TPD52L1: variants seen among roughly 807,000 people sequenced by gnomAD.
TPD52L1 encodes TPD52 like 1, also known as tumor protein D53.
A neutral mutation model predicts 28.7 loss-of-function variants in TPD52L1; 18 were observed. The ratio of observed to expected loss-of-function variants is 0.63; its 90% CI spans 0.43 to 0.93. The LOEUF (loss-of-function observed/expected upper bound fraction) is 0.93. Ranked by LOEUF, TPD52L1 falls within the 40% of genes least tolerant of loss-of-function variation. The pLI is 0.00. For synonymous variants in TPD52L1, 75 were observed against 88.8 expected (o/e 0.84, Z 0.88); for missense variants, 203 against 254.8 (o/e 0.80, Z 1.39).
intron 1 of TPD52L1, among the ~76,000 whole-genome samples, chr6:125,196,595 G>T (rs1337958043): frequency 6.6e-6 from 1 of 152,180 alleles, no homozygotes; most frequent in Admixed American, 6.5e-5. Flanking sequence ...TTAATAACTT[G>T]CAAAGAAATG....
chr6:125,248,260 T>C (rs1359126202), intron 3 of TPD52L1, 22 bp from the exon 4 acceptor site: 2 of 1,587,212 alleles, frequency 1.3e-6, no homozygotes, highest in Admixed American at 1.7e-5. Flanking sequence ...ATAAAAACCA[T>C]GTTGTTCTGT....
At chr6:125,168,457 C>A (rs1791056439) in intron 1 of TPD52L1, among the ~76,000 whole-genome samples, 1 of 152,102 alleles carries the variant, frequency 6.6e-6, no homozygotes, top group Non-Finnish European at 1.5e-5. Flanking sequence ...TTCTCAGTCC[C>A]CTCTCCTCTC....
chr6:125,249,447 G>A (rs1418362690), intron 4 of TPD52L1, among the ~76,000 whole-genome samples: 3 of 151,852 alleles, frequency 2.0e-5, no homozygotes, highest in African/African-American at 7.2e-5. Flanking sequence ...GGGAGACTGA[G>A]GCAGGTGGAT....
intron 1 of TPD52L1, among the ~76,000 whole-genome samples, chr6:125,185,341 C>T (rs1004525325): frequency 2.0e-5 from 3 of 152,144 alleles, no homozygotes; most frequent in African/African-American, 4.8e-5. Context: ...TGTCCTTTCT[C>T]TAGCTTTCTA....
At chr6:125,218,642 A>G (rs765385898) in intron 1 of TPD52L1, among the ~76,000 whole-genome samples, 4 of 152,222 alleles carry the variant, frequency 2.6e-5, no homozygotes, top group Admixed American at 6.5e-5. Flanking sequence ...TGTCTTAAGA[A>G]GTCCCTTCCT....
chr6:125,164,345 C>T (rs1025122278), intron 1 of TPD52L1, among the ~76,000 whole-genome samples: 1 of 152,124 alleles, frequency 6.6e-6, no homozygotes, highest in Non-Finnish European at 1.5e-5. Flanking sequence ...GCTCATTTAT[C>T]AACAGCTTGC....
chr6:125,154,292 T>C, intron 1 of TPD52L1: 1 of 1,170,048 alleles, frequency 8.5e-7, no homozygotes, highest in Non-Finnish European at 1.1e-6. Flanking sequence ...AAGGACCTGT[T>C]GTGCCGGGTC....
intron 1 of TPD52L1, among the ~76,000 whole-genome samples, chr6:125,174,431 T>C (rs1004179779): frequency 6.6e-6 from 1 of 152,048 alleles, no homozygotes; most frequent in East Asian, 1.9e-4. Flanking sequence ...GAAAGATGAG[T>C]AGGTTGAAGA....
chr6:125,237,370 C>T (rs1184793755), intron 3 of TPD52L1, among the ~76,000 whole-genome samples: 1 of 152,044 alleles, frequency 6.6e-6, no homozygotes, highest in Non-Finnish European at 1.5e-5. Flanking sequence ...GTAGTGGAAG[C>T]AGTGAGAAAG....
chr6:125,246,246 G>C (rs1461471939), intron 3 of TPD52L1, among the ~76,000 whole-genome samples: 1 of 152,168 alleles, frequency 6.6e-6, no homozygotes, highest in African/African-American at 2.4e-5. Flanking sequence ...TTCAGAGGCA[G>C]GTGGTTCAGA....
At chr6:125,195,135 T>C (rs1250248820) in intron 1 of TPD52L1, among the ~76,000 whole-genome samples, 1 of 152,156 alleles carries the variant, frequency 6.6e-6, no homozygotes, top group Non-Finnish European at 1.5e-5. Flanking sequence ...TTACAGAGGG[T>C]ATAGTGGTTA....
intron 2 of TPD52L1, among the ~76,000 whole-genome samples, chr6:125,228,886 CTTT>C (rs148763392): frequency 9.7e-4 from 144 of 148,874 alleles, no homozygotes; most frequent in Non-Finnish European, 1.6e-3. Context: ...TACAATCTCA[CTTT>C]TTTTTTTAAC....
chr6:125,263,007 G>A lies in TPD52L1; in HGVS notation c.*45G>A, dbSNP rs773508230. 2.0e-5 allele frequency: 31 copies of A among 1,574,322 alleles called. No homozygotes were observed. The highest frequency in any genetic ancestry group is 3.7e-5 in the Admixed American group (2 of 53,476). On this transcript the variant is annotated 3_prime_UTR_variant, in exon 7 of 7. Coordinates refer to ENST00000534000, the MANE Select transcript of TPD52L1 (RefSeq NM_003287.4). ...GCATCCAGAAACCGGCCACTACCCA[G>A]CCCATCTCTGCCTGTGCTTATCCAG...
At chr6:125,220,591 CA>C (rs1276625083) in intron 2 of TPD52L1, among the ~76,000 whole-genome samples, 2 of 152,156 alleles carry the variant, frequency 1.3e-5, no homozygotes, top group African/African-American at 2.4e-5. Context: ...CTTAGCTCAA[CA>C]ATTACTTTGA....
intron 1 of TPD52L1, among the ~76,000 whole-genome samples, chr6:125,167,261 A>G (rs1019425141): frequency 3.3e-5 from 5 of 152,068 alleles, no homozygotes; most frequent in African/African-American, 1.2e-4. Flanking sequence ...CACAAATAAA[A>G]CAAAAAACAA....
chr6:125,190,962 C>G (rs1792996034), intron 1 of TPD52L1, among the ~76,000 whole-genome samples: 1 of 152,192 alleles, frequency 6.6e-6, no homozygotes, highest in Non-Finnish European at 1.5e-5. Flanking sequence ...GTATGTTGTA[C>G]TGAATATATC....
chr6:125,209,220 T>C (rs1279319025), intron 1 of TPD52L1, among the ~76,000 whole-genome samples: 4 of 152,146 alleles, frequency 2.6e-5, no homozygotes, highest in Non-Finnish European at 5.9e-5. Flanking sequence ...GCCTATGCTC[T>C]CAGGAGGCCC....
intron 1 of TPD52L1, among the ~76,000 whole-genome samples, chr6:125,205,825 T>A (rs1177071775): frequency 6.6e-6 from 1 of 152,186 alleles, no homozygotes; most frequent in East Asian, 1.9e-4. Flanking sequence ...TATGGAAGAA[T>A]GAGAAAGGGA....
At chr6:125,172,351 G>A (rs1404026925) in intron 1 of TPD52L1, among the ~76,000 whole-genome samples, 1 of 139,034 alleles carries the variant, frequency 7.2e-6, no homozygotes, top group Non-Finnish European at 1.5e-5. Flanking sequence ...CTAGAGTGCA[G>A]TGGTGCAATC....
Sources: allele counts gnomAD v4.1 joint callset (sites outside exome capture counted in the v4.1 genomes callset), GRCh38; gene constraint gnomAD v4.1.1; transcripts MANE v1.5; gene names NCBI Gene and HGNC (gene_info 2026-07-23, HGNC 2026-07-21).